Variants in EPHA6 observed in about 807,000 individuals in gnomAD.
EPHA6 encodes ephrin type-A receptor 6.
Under a neutral mutation model 112.0 loss-of-function variants are expected in EPHA6, and 50 were observed. That is an observed-to-expected ratio of 0.45 (90% CI 0.36 to 0.56). The LOEUF (loss-of-function observed/expected upper bound fraction) is 0.56. EPHA6 is among the 20% of genes least tolerant of loss of function. The pLI, the probability that EPHA6 is intolerant of heterozygous loss-of-function variation, is 0.00. For synonymous variants in EPHA6, 529 were observed against 490.7 expected, an observed-to-expected ratio of 1.08 and a Z score of -1.03; for missense variants, 1,280 against 1,417.4, an observed-to-expected ratio of 0.90 and a Z score of 1.56.
At chr3:97,092,932 G>A (rs1315366444) in intron 3 of EPHA6, among the ~76,000 whole-genome samples, 1 of 152,120 alleles carries the variant, frequency 6.6e-6, no homozygotes, top group African/African-American at 2.4e-5. Context: ...GCATGATTCA[G>A]GGAGCTAGGC....
chr3:97,626,104 C>G (rs935164125), intron 13 of EPHA6, among the ~76,000 whole-genome samples: 2 of 151,614 alleles, frequency 1.3e-5, no homozygotes, highest in African/African-American at 2.4e-5. Flanking sequence ...AAATGCTGGA[C>G]CATGAAGAGC....
intron 3 of EPHA6, among the ~76,000 whole-genome samples, chr3:97,095,461 AG>A (rs1297786359): frequency 1.3e-5 from 2 of 151,822 alleles, no homozygotes; most frequent in African/African-American, 4.9e-5. Flanking sequence ...GATAAAAAAA[AG>A]CATCCTGCTT....
chr3:96,913,150 G>C (rs369011090), intron 2 of EPHA6, among the ~76,000 whole-genome samples: 2 of 145,450 alleles, frequency 1.4e-5, no homozygotes, highest in African/African-American at 2.6e-5. Flanking sequence ...GCAACATAGT[G>C]AGACCCCGTC....
Position 97,759,038 on chromosome 3 carries a change from T to A in EPHA6, c.*10337T>A, listed in dbSNP as rs573667103. ...ATCACCTAGGAAAAGCCTGTGGAGG[T>A]AGGCCTAGGATTGCACTATATGCTA... On this transcript the variant is annotated 3_prime_UTR_variant, in exon 18 of 18. Transcript: ENST00000389672. Among the ~76,000 whole-genome samples, 3 of 152,054 alleles carry A rather than the reference T, an allele frequency of 2.0e-5. No individual in the cohort carries two copies. The highest frequency in any genetic ancestry group is 4.1e-4 in the South Asian group (2 of 4,826).
intron 3 of EPHA6, among the ~76,000 whole-genome samples, chr3:97,085,709 G>C (rs1234623899): frequency 6.6e-6 from 1 of 151,876 alleles, no homozygotes; most frequent in Non-Finnish European, 1.5e-5. Context: ...AATTAGATTT[G>C]TTGTTGTTTC....
chr3:97,168,557 TTC>T (rs987552332), intron 3 of EPHA6, among the ~76,000 whole-genome samples: 3 of 150,230 alleles, frequency 2.0e-5, no homozygotes, highest in East Asian at 2.1e-4. Context: ...TTCTTTCTTT[TTC>T]TCTCTCTTTC....
At chr3:97,562,464 A>G (rs2093205101) in intron 11 of EPHA6, among the ~76,000 whole-genome samples, 2 of 152,170 alleles carry the variant, frequency 1.3e-5, no homozygotes, top group African/African-American at 2.4e-5. Context: ...CAGGAGAACT[A>G]GAATTAGAAG....
intron 15 of EPHA6, among the ~76,000 whole-genome samples, chr3:97,723,763 A>G (rs780571125): frequency 3.3e-5 from 5 of 152,208 alleles, no homozygotes; most frequent in African/African-American, 4.8e-5. Flanking sequence ...GGAAAATAGT[A>G]GGAGCTAAAA....
chr3:97,402,223 G>A (rs569115042), intron 5 of EPHA6, among the ~76,000 whole-genome samples: 11 of 151,902 alleles, frequency 7.2e-5, no homozygotes, highest in South Asian at 2.1e-4. Flanking sequence ...TTTCTGTCTC[G>A]ATAAGCTCTC....
chr3:97,387,339 G>A (rs1282232850), intron 5 of EPHA6, among the ~76,000 whole-genome samples: 1 of 119,144 alleles, frequency 8.4e-6, no homozygotes, highest in Non-Finnish European at 1.7e-5. Context: ...TTTTGCTTAT[G>A]CAATTGAGCA....
intron 4 of EPHA6, among the ~76,000 whole-genome samples, chr3:97,227,566 T>C (rs1159935911): frequency 6.6e-6 from 1 of 152,178 alleles, no homozygotes; most frequent in East Asian, 1.9e-4. Flanking sequence ...GTGGCCATCC[T>C]GCAGGCTGGG....
At chr3:97,096,757 C>T (rs1401768193) in intron 3 of EPHA6, among the ~76,000 whole-genome samples, 1 of 151,744 alleles carries the variant, frequency 6.6e-6, no homozygotes, top group Non-Finnish European at 1.5e-5. Flanking sequence ...AAAAATGTCA[C>T]TTTTATTTAA....
chr3:97,606,314 G>C (rs1223461147), intron 12 of EPHA6: 1 of 151,252 alleles, frequency 6.6e-6, no homozygotes, highest in East Asian at 1.9e-4. Flanking sequence ...TCAAGAGTTA[G>C]CTTACAATGG....
At chr3:97,594,203 A>G (rs1157761560) in intron 12 of EPHA6, among the ~76,000 whole-genome samples, 1 of 152,218 alleles carries the variant, frequency 6.6e-6, no homozygotes, top group African/African-American at 2.4e-5. Flanking sequence ...GAAGTTTAAG[A>G]CTGACTTGAA....
rs371641257 is a variant in EPHA6 at position 97,413,172 on chromosome 3, A to G, written c.1731+7898A>G. Among the ~76,000 whole-genome samples the G allele has an allele frequency of 2.5e-3, 373 of 152,062 alleles. 3 individuals are homozygous for G. Among genetic ancestry groups the G allele is most frequent in the African/African-American group, 8.1e-3 (336 of 41,512 alleles). ...GAATTCAAAGTGCAGTCAGCCTTCA[A>G]AAAACTACTCTTCCAGCAAAGAAAA... On this transcript the variant is annotated intron_variant, in intron 6 of 17. Coordinates refer to ENST00000389672, the MANE Select transcript of EPHA6 (RefSeq NM_001080448.3).
intron 3 of EPHA6, among the ~76,000 whole-genome samples, chr3:97,144,283 T>A (rs1362952406): frequency 6.6e-6 from 1 of 151,852 alleles, no homozygotes; most frequent in Non-Finnish European, 1.5e-5. Flanking sequence ...CCTTTTGGAA[T>A]TGTTTATCTC....
At chr3:97,735,057 C>A (rs1218140390) in intron 15 of EPHA6, among the ~76,000 whole-genome samples, 1 of 152,004 alleles carries the variant, frequency 6.6e-6, no homozygotes, top group Non-Finnish European at 1.5e-5. Context: ...CCGAGAGCTG[C>A]ACTGTTCCAT....
chr3:97,258,234 GTA>G (rs1201010170), intron 5 of EPHA6, among the ~76,000 whole-genome samples: 1 of 146,072 alleles, frequency 6.8e-6, no homozygotes, highest in African/African-American at 2.7e-5. Context: ...AGGTGATTGT[GTA>G]TGAGTATATA....
chr3:97,623,237 G>T (rs1352956186), intron 13 of EPHA6, among the ~76,000 whole-genome samples: 1 of 151,684 alleles, frequency 6.6e-6, no homozygotes, highest in Non-Finnish European at 1.5e-5. Flanking sequence ...ATAACTTGAG[G>T]TCTTACATTT....
Sources: gnomAD v4.1 joint callset for allele counts (sites outside exome capture counted in the v4.1 genomes callset) on GRCh38, gnomAD v4.1.1 for gene constraint, MANE v1.5 for transcripts, NCBI Gene and HGNC (gene_info 2026-07-23, HGNC 2026-07-21) for gene names.